SPMIP4: variants seen among roughly 807,000 people sequenced by gnomAD.
The protein encoded by SPMIP4 is sperm-associated microtubule inner protein 4.
At chr7:25,144,363 T>C in the SPMIP4 span, among the ~76,000 whole-genome samples, 1 of 152,198 alleles carries the variant, frequency 6.6e-6, no homozygotes, top group African/African-American at 2.4e-5. Context: ...TGGGACAGGG[T>C]GGTTCAGGGA....
At chr7:25,162,883 C>T in the SPMIP4 span, among the ~76,000 whole-genome samples, 2 of 151,986 alleles carry the variant, frequency 1.3e-5, no homozygotes, top group Non-Finnish European at 2.9e-5. Context: ...ATGATTCTCC[C>T]GCCTCAGCCT....
At chr7:25,168,299 T>A in the SPMIP4 span, 4 of 1,602,468 alleles carry the variant, frequency 2.5e-6, no homozygotes, top group Non-Finnish European at 3.4e-6. Context: ...CTTGGCCAGG[T>A]TTCTCCACCA....
chr7:25,172,037 T>C, the SPMIP4 span, among the ~76,000 whole-genome samples: 19 of 152,280 alleles, frequency 1.2e-4, no homozygotes, highest in East Asian at 2.7e-3. The surrounding 1 kb of genome is among the most constrained non-coding windows in gnomAD (Gnocchi z 4.2). Flanking sequence ...AGGAGTTATC[T>C]AGAGGAAACA....
chr7:25,178,602 C>T, the SPMIP4 span, among the ~76,000 whole-genome samples: 2 of 152,132 alleles, frequency 1.3e-5, no homozygotes, highest in African/African-American at 4.8e-5. Flanking sequence ...AATGAAGGAA[C>T]GGACCATTCT....
the SPMIP4 span, chr7:25,136,669 C>G: frequency 6.2e-7 from 1 of 1,614,144 alleles, no homozygotes; most frequent in East Asian, 2.2e-5. This position sits in a 1 kb window ranked among gnomAD's most constrained non-coding sequence, Gnocchi z 5.7. Context: ...TCTAGGAGTA[C>G]AATCTGGACA....
the SPMIP4 span, among the ~76,000 whole-genome samples, chr7:25,178,288 T>C: frequency 6.6e-6 from 1 of 152,244 alleles, no homozygotes. Context: ...TGTGTCTTTA[T>C]GGTAGAACAA....
the SPMIP4 span, among the ~76,000 whole-genome samples, chr7:25,144,539 G>A: frequency 2.0e-5 from 3 of 152,254 alleles, no homozygotes; most frequent in Non-Finnish European, 4.4e-5. Context: ...CCCTTGGGAA[G>A]ATGGACATAA....
At chr7:25,167,592 T>C in the SPMIP4 span, among the ~76,000 whole-genome samples, 3 of 152,234 alleles carry the variant, frequency 2.0e-5, no homozygotes, top group Non-Finnish European at 4.4e-5. Context: ...CTGTTGTTAA[T>C]GTTTCTCTCT....
chr7:25,168,220 G>T, the SPMIP4 span: 1 of 1,327,802 alleles, frequency 7.5e-7, no homozygotes, highest in South Asian at 1.4e-5. Flanking sequence ...GCAAACAAAG[G>T]ACTCACAATG....
At chr7:25,154,911 T>A in the SPMIP4 span, 3 of 1,133,508 alleles carry the variant, frequency 2.6e-6, no homozygotes, top group Non-Finnish European at 2.5e-6. Context: ...GAGTCACACA[T>A]TTGTGACTTG....
the SPMIP4 span, among the ~76,000 whole-genome samples, chr7:25,145,065 T>G: frequency 6.6e-6 from 1 of 151,492 alleles, no homozygotes; most frequent in Non-Finnish European, 1.5e-5. Flanking sequence ...CGGGTTCAAG[T>G]GATTCTCCTG....
chr7:25,160,708 C>T, the SPMIP4 span, among the ~76,000 whole-genome samples: 4 of 152,194 alleles, frequency 2.6e-5, no homozygotes, highest in East Asian at 1.9e-4. Flanking sequence ...CTTTAAGTGA[C>T]GGGTAAATTA....
At chr7:25,142,242 G>A in the SPMIP4 span, 517 of 1,608,972 alleles carry the variant, frequency 3.2e-4, 2 homozygotes, top group African/African-American at 6.0e-3. Context: ...ATTACTTACC[G>A]GCTCTGGGTC....
chr7:25,176,539 T>C, the SPMIP4 span, among the ~76,000 whole-genome samples: 703 of 152,358 alleles, frequency 4.6e-3, 6 homozygotes, highest in African/African-American at 0.016. The surrounding 1 kb of genome is among the most constrained non-coding windows in gnomAD (Gnocchi z 4.4). Flanking sequence ...AGAGCTCCTT[T>C]TCCTCCAATA....
the SPMIP4 span, chr7:25,125,908 C>T: frequency 1.0e-6 from 1 of 985,336 alleles, no homozygotes; most frequent in African/African-American, 1.7e-5. Flanking sequence ...TCCAGCTCTC[C>T]GCTTGATGGA....
chr7:25,172,304 A>G, the SPMIP4 span, among the ~76,000 whole-genome samples: 1 of 152,114 alleles, frequency 6.6e-6, no homozygotes, highest in African/African-American at 2.4e-5. This position sits in a 1 kb window ranked among gnomAD's most constrained non-coding sequence, Gnocchi z 4.2. Flanking sequence ...CTCTTGAAAG[A>G]GGGAGAGGAG....
At chr7:25,158,279 G>T in the SPMIP4 span, among the ~76,000 whole-genome samples, 1 of 148,892 alleles carries the variant, frequency 6.7e-6, no homozygotes, top group Non-Finnish European at 1.5e-5. Context: ...AAGGTGGAAG[G>T]ATCACCTCAT....
At chr7:25,161,120 G>A in the SPMIP4 span, 7 of 891,606 alleles carry the variant, frequency 7.9e-6, no homozygotes, top group Admixed American at 3.2e-5. Context: ...CTTTAAAAAT[G>A]TCTCATATAA....
chr7:25,135,218 C>A, the SPMIP4 span: 1 of 622,538 alleles, frequency 1.6e-6, no homozygotes, highest in Non-Finnish European at 2.0e-6. Flanking sequence ...TCCTTTCTTG[C>A]TATAATTAGA....
Sources: allele counts gnomAD v4.1 joint callset (sites outside exome capture counted in the v4.1 genomes callset), GRCh38; gene constraint gnomAD v4.1.1; non-coding constraint Gnocchi (gnomAD v3.1); transcripts MANE v1.5; gene names NCBI Gene and HGNC (gene_info 2026-07-23, HGNC 2026-07-21).